The following CDH4 variants were observed in gnomAD, a reference collection of about 807,000 sequenced individuals.
CDH4 encodes cadherin 4.
Under a neutral mutation model 86.0 loss-of-function variants are expected in CDH4, and 33 were observed. The observed-to-expected ratio is 0.38, with a 90% CI of 0.29 to 0.51. The LOEUF (loss-of-function observed/expected upper bound fraction) is 0.51, where lower values mean the gene tolerates loss of function less well. Ranked by LOEUF, CDH4 falls within the 20% of genes least tolerant of loss-of-function variation. The probability of loss-of-function intolerance (pLI) is 0.86; values close to 1 mark genes in which losing one functional copy is unlikely to be tolerated. For missense variants in CDH4, 1,114 were observed against 1,307.4 expected, an observed-to-expected ratio of 0.85 and a Z score of 2.28; for synonymous variants, 555 against 549.4, an observed-to-expected ratio of 1.01 and a Z score of -0.14.
chr20:61,324,764 C>A (rs867478505), intron 2 of CDH4, among the ~76,000 whole-genome samples: 1 of 152,194 alleles, frequency 6.6e-6, no homozygotes, highest in South Asian at 2.1e-4. Flanking sequence ...GAGATTCTAG[C>A]GCCCAGGAAG....
intron 2 of CDH4, among the ~76,000 whole-genome samples, chr20:61,637,913 T>G (rs2024710): frequency 6.6e-6 from 1 of 151,578 alleles, no homozygotes; most frequent in Non-Finnish European, 1.5e-5. Context: ...CCCAGCTATT[T>G]GGGAGGCTGA....
At chr20:61,579,642 C>T (rs1362630057) in intron 2 of CDH4, among the ~76,000 whole-genome samples, 1 of 152,064 alleles carries the variant, frequency 6.6e-6, no homozygotes, top group Non-Finnish European at 1.5e-5. Flanking sequence ...GGTTGTGTTC[C>T]CTGAAAACAG....
intron 4 of CDH4, among the ~76,000 whole-genome samples, chr20:61,805,538 C>G (rs567700879): frequency 6.6e-6 from 1 of 152,200 alleles, no homozygotes; most frequent in African/African-American, 2.4e-5. Context: ...CGCCCTCCTG[C>G]GAGGAAACAC....
intron 2 of CDH4, among the ~76,000 whole-genome samples, chr20:61,547,639 C>T (rs1191476890): frequency 6.6e-6 from 1 of 152,164 alleles, no homozygotes; most frequent in African/African-American, 2.4e-5. Context: ...CTTTCACACT[C>T]CTTGGCCAAT....
At chr20:61,523,064 C>A (rs933466598) in intron 2 of CDH4, among the ~76,000 whole-genome samples, 21 of 152,210 alleles carry the variant, frequency 1.4e-4, no homozygotes, top group African/African-American at 5.1e-4. Flanking sequence ...GGAAGGCAAC[C>A]CACACCAGGT....
Position 61,582,946 on chromosome 20 carries a change from C to T in CDH4, c.170-160617C>T, listed in dbSNP as rs891980730. Among the ~76,000 whole-genome samples the T allele has an allele frequency of 2.0e-5, 3 of 152,056 alleles. No homozygotes were observed. Among genetic ancestry groups the T allele is most frequent in the African/African-American group, 7.2e-5 (3 of 41,392 alleles). On this transcript the variant is annotated intron_variant, in intron 2 of 15. Coordinates refer to ENST00000614565, the MANE Select transcript of CDH4 (RefSeq NM_001794.5). This position sits in a 1 kb window ranked among gnomAD's most constrained non-coding sequence, Gnocchi z 4.2. ...TGTCCGCCTTCTGCGCCCCCATGGC[C>T]CCCGGCCCTAGGCAGCCACTAATCT...
At chr20:61,643,190 A>C (rs1388348228) in intron 2 of CDH4, among the ~76,000 whole-genome samples, 2 of 152,046 alleles carry the variant, frequency 1.3e-5, no homozygotes, top group Non-Finnish European at 2.9e-5. Flanking sequence ...AACATGAGAG[A>C]AAGCATCACA....
chr20:61,568,553 A>T (rs1421946474), intron 2 of CDH4, among the ~76,000 whole-genome samples: 1 of 152,202 alleles, frequency 6.6e-6, no homozygotes, highest in Non-Finnish European at 1.5e-5. Context: ...AGACACGTGG[A>T]TCTTTTTGAT....
chr20:61,900,010 G>A (rs928443369), intron 8 of CDH4, among the ~76,000 whole-genome samples: 6 of 152,316 alleles, frequency 3.9e-5, no homozygotes, highest in East Asian at 1.9e-4. Context: ...CAAGCCGCCC[G>A]AGGATGCTGC....
chr20:61,733,353 G>A (rs908139675), intron 2 of CDH4, among the ~76,000 whole-genome samples: 6 of 152,078 alleles, frequency 3.9e-5, no homozygotes, highest in South Asian at 4.2e-4. Flanking sequence ...ACTCACAGCC[G>A]CCGCTCCCAG....
At chr20:61,661,796 G>A (rs1003364287) in intron 2 of CDH4, among the ~76,000 whole-genome samples, 2 of 152,094 alleles carry the variant, frequency 1.3e-5, no homozygotes, top group Admixed American at 6.6e-5. Flanking sequence ...AAACACTGAC[G>A]CGGCTCGTAT....
At chr20:61,734,285 G>A (rs1009712183) in intron 2 of CDH4, among the ~76,000 whole-genome samples, 2 of 152,366 alleles carry the variant, frequency 1.3e-5, no homozygotes, top group East Asian at 1.9e-4. Context: ...GTTTAGCTGA[G>A]GGTCTAATTA....
intron 7 of CDH4, among the ~76,000 whole-genome samples, chr20:61,890,482 G>A (rs137958050): frequency 6.6e-6 from 1 of 151,916 alleles, no homozygotes; most frequent in Non-Finnish European, 1.5e-5. Flanking sequence ...TGAGTGGATG[G>A]ATGGATGATG....
At chr20:61,330,336 A>T (rs114966420) in intron 2 of CDH4, among the ~76,000 whole-genome samples, 5,242 of 152,244 alleles carry the variant, frequency 0.034, 227 homozygotes, top group African/African-American at 0.095. Flanking sequence ...GCCCACCAAC[A>T]GTGTAAAAGT....
chr20:61,933,017 C>G lies in CDH4; in HGVS notation c.2272C>G (p.Arg758Gly). ...MVLLFVMWMK[R>G]REKERHTKQL... is the part of the protein sequence containing the mutation. ...CCTGCTGTTTGTCATGTGGATGAAG[C>G]GGCGAGAGAAGGAGCGCCACACGAA... The change falls in exon 14 of 16, where the codon CGG becomes GGG. Residue 758 changes from arginine to glycine, a missense_variant. By Grantham distance (125) the Arg-to-Gly change is moderately radical. Around this residue, in one of 3 missense-constraint regions of CDH4, gnomAD observed 705 missense variants for 914.1 expected, o/e 0.77. Transcript: ENST00000614565. 6.2e-7 allele frequency: 1 copy of G among 1,613,254 alleles called. No individual in the cohort carries two copies. Among genetic ancestry groups the G allele is most frequent in the African/African-American group, 1.3e-5 (1 of 75,068 alleles).
chr20:61,714,901 C>T (rs1479731543), intron 2 of CDH4, among the ~76,000 whole-genome samples: 2 of 152,140 alleles, frequency 1.3e-5, no homozygotes, highest in Non-Finnish European at 1.5e-5. Context: ...GATGCGGTGA[C>T]GTCTTTTCCA....
At chr20:61,548,453 C>G (rs1453385455) in intron 2 of CDH4, among the ~76,000 whole-genome samples, 1 of 152,070 alleles carries the variant, frequency 6.6e-6, no homozygotes, top group African/African-American at 2.4e-5. Context: ...GTGTTTGTTT[C>G]AGATGTTGAG....
chr20:61,474,357 C>T (rs2085523310), intron 2 of CDH4, among the ~76,000 whole-genome samples: 1 of 139,604 alleles, frequency 7.2e-6, no homozygotes, highest in Non-Finnish European at 1.5e-5. Flanking sequence ...GTATTTTTAG[C>T]AGAGATGGGG....
intron 2 of CDH4, among the ~76,000 whole-genome samples, chr20:61,604,341 T>C (rs1164354203): frequency 6.6e-6 from 1 of 152,202 alleles, no homozygotes; most frequent in African/African-American, 2.4e-5. Context: ...ATGGGCCTTT[T>C]TGGACAGTGA....
Sources: gnomAD v4.1 joint callset for allele counts (sites outside exome capture counted in the v4.1 genomes callset) on GRCh38, gnomAD v4.1.1 for gene constraint, gnomAD v4.1.1 regional missense constraint, Gnocchi (gnomAD v3.1) non-coding constraint, MANE v1.5 for transcripts, NCBI Gene and HGNC (gene_info 2026-07-23, HGNC 2026-07-21) for gene names.